TSPAN9: variants seen among roughly 807,000 people sequenced by gnomAD.
TSPAN9 encodes the protein tetraspanin 9.
A neutral mutation model predicts 31.0 loss-of-function variants in TSPAN9; 16 were observed. The observed-to-expected ratio is 0.52, with a 90% CI of 0.35 to 0.78. The LOEUF (loss-of-function observed/expected upper bound fraction) is 0.78. Among genes scored for constraint, TSPAN9 ranks in the 30% least tolerant of loss-of-function variants. The pLI is 0.01. For synonymous variants in TSPAN9, 145 were observed against 121.6 expected (o/e 1.19, Z -1.27); for missense variants, 272 against 312.5 (o/e 0.87, Z 0.98).
At chr12:3,092,934 T>G (rs1200456150) in intron 2 of TSPAN9, among the ~76,000 whole-genome samples, 4 of 152,146 alleles carry the variant, frequency 2.6e-5, no homozygotes, top group Non-Finnish European at 5.9e-5. Flanking sequence ...CGCCCAGGGC[T>G]GGGGGAGCTG....
Position 3,192,534 on chromosome 12 carries a change from T to C in TSPAN9, c.-17-8643T>C, listed in dbSNP as rs1454717969. Among the ~76,000 whole-genome samples, 2 of 152,056 alleles carry C rather than the reference T, an allele frequency of 1.3e-5. No homozygotes were observed. The highest frequency in any genetic ancestry group is 2.9e-5 in the Non-Finnish European group (2 of 68,014). ...TGGCATAAGCAGTGGGGTGAAAACT[T>C]AAGCCATTTGTTGAGAAGGAGCGGA... On this transcript the variant is annotated intron_variant, in intron 2 of 8. Transcript: ENST00000011898. The surrounding 1 kb of genome is among the most constrained non-coding windows in gnomAD (Gnocchi z 4.6).
At position 3,153,094 on chromosome 12, in the gene TSPAN9, C is replaced by G. The variant is rs547347526; in HGVS notation, c.-17-48083C>G. Reference sequence around the variant, plus strand: ...TGGTGGTGGTGGTGGTGGTGCAGGGCAGGCCTTCCTTGAAGCCCTCTTCAG... The same window carrying G: ...TGGTGGTGGTGGTGGTGGTGCAGGGGAGGCCTTCCTTGAAGCCCTCTTCAG... On this transcript the variant is annotated intron_variant, in intron 2 of 8. Transcript: ENST00000011898. Among the ~76,000 whole-genome samples, 5 of 152,296 alleles carry G rather than the reference C, an allele frequency of 3.3e-5. No homozygotes were observed. The South Asian group carries it at 1.0e-3, about 32-fold the overall frequency.
At chr12:3,264,312 G>C (rs1862503533) in intron 3 of TSPAN9, among the ~76,000 whole-genome samples, 1 of 152,184 alleles carries the variant, frequency 6.6e-6, no homozygotes, top group Non-Finnish European at 1.5e-5. Context: ...CTGGGTCACA[G>C]AACAGCTTCC....
chr12:3,125,997 G>A (rs1398397508), intron 2 of TSPAN9, among the ~76,000 whole-genome samples: 3 of 152,170 alleles, frequency 2.0e-5, no homozygotes, highest in Non-Finnish European at 2.9e-5. Flanking sequence ...CTTCTGTTGC[G>A]TTTGTTGTGT....
At chr12:3,226,465 T>TC in intron 3 of TSPAN9, among the ~76,000 whole-genome samples, 1 of 151,650 alleles carries the variant, frequency 6.6e-6, no homozygotes, top group East Asian at 2.0e-4. Context: ...TAATCTTTTT[T>TC]CCCTCCTTCT....
chr12:3,281,090 G>A, intron 6 of TSPAN9, 108 bp from the exon 7 acceptor site: 1 of 1,508,022 alleles, frequency 6.6e-7, no homozygotes, highest in East Asian at 2.5e-5. Flanking sequence ...TTAACTGCAG[G>A]GTGGCCACTT....
chr12:3,224,334 C>T (rs976222298), intron 3 of TSPAN9, among the ~76,000 whole-genome samples: 1 of 152,192 alleles, frequency 6.6e-6, no homozygotes, highest in Admixed American at 6.5e-5. Flanking sequence ...CTGTGCTAGG[C>T]GCCCTCACGG....
intron 3 of TSPAN9, among the ~76,000 whole-genome samples, chr12:3,263,324 G>A (rs1862483947): frequency 6.6e-6 from 1 of 152,232 alleles, no homozygotes; most frequent in Non-Finnish European, 1.5e-5. Context: ...TGGCCCGTTG[G>A]CAGCACATAG....
intron 3 of TSPAN9, among the ~76,000 whole-genome samples, chr12:3,208,259 G>A (rs997615000): frequency 3.3e-5 from 5 of 152,170 alleles, no homozygotes; most frequent in Non-Finnish European, 7.3e-5. Context: ...CTCGGGCTGG[G>A]GATTGCTCTG....
rs543141675 is a variant in TSPAN9 at position 3,280,345 on chromosome 12, G to A, written c.331-37G>A. ...GGGCTGGAGAGACGAGCTGCGTCCT[G>A]GTTCCAACCGTCTCACTGTGTCCCT... On this transcript the variant is annotated intron_variant, in intron 5 of 8. Coordinates refer to ENST00000011898, the MANE Select transcript of TSPAN9 (RefSeq NM_006675.5). This position sits in a 1 kb window ranked among gnomAD's most constrained non-coding sequence, Gnocchi z 4.5. 1.3e-6 allele frequency: 2 copies of A among 1,595,172 alleles called. No individual in the cohort carries two copies. The highest frequency in any genetic ancestry group is 1.7e-6 in the Non-Finnish European group (2 of 1,166,730).
chr12:3,176,069 C>T (rs1355352779), intron 2 of TSPAN9, among the ~76,000 whole-genome samples: 2 of 152,232 alleles, frequency 1.3e-5, no homozygotes, highest in Non-Finnish European at 2.9e-5. Flanking sequence ...TGTGGGTGCT[C>T]CCTACCTGAA....
intron 1 of TSPAN9, among the ~76,000 whole-genome samples, chr12:3,080,081 G>A (rs998829423): frequency 9.9e-5 from 15 of 151,608 alleles, no homozygotes; most frequent in African/African-American, 3.6e-4. Context: ...GAGCCACCAC[G>A]CCCAGCCCCT....
chr12:3,089,604 A>T (rs996067565), intron 2 of TSPAN9, among the ~76,000 whole-genome samples: 1 of 151,378 alleles, frequency 6.6e-6, no homozygotes. Context: ...CTCAAGGTGA[A>T]TTTTTTTTTA....
chr12:3,202,620 G>A (rs925263882), intron 3 of TSPAN9, among the ~76,000 whole-genome samples: 2 of 152,016 alleles, frequency 1.3e-5, no homozygotes, highest in African/African-American at 4.8e-5. Context: ...TTGTCCTCAC[G>A]TCACTAGTTA....
intron 2 of TSPAN9, among the ~76,000 whole-genome samples, chr12:3,163,508 T>C (rs2098346616): frequency 6.6e-6 from 1 of 152,234 alleles, no homozygotes; most frequent in Non-Finnish European, 1.5e-5. Context: ...GGATGGTGTT[T>C]CATAGACCTT....
intron 3 of TSPAN9, among the ~76,000 whole-genome samples, chr12:3,223,247 G>C (rs2098385473): frequency 1.3e-5 from 2 of 152,324 alleles, no homozygotes; most frequent in South Asian, 4.1e-4. Flanking sequence ...CGTCATCCTT[G>C]GAACAAACAC....
intron 3 of TSPAN9, among the ~76,000 whole-genome samples, chr12:3,243,780 G>T (rs541193314): frequency 2.6e-5 from 4 of 152,178 alleles, no homozygotes; most frequent in Non-Finnish European, 4.4e-5. Context: ...CTCTGATATG[G>T]GGTGTCAGGC....
At chr12:3,282,663 G>C (rs967356242) in intron 8 of TSPAN9, among the ~76,000 whole-genome samples, 1 of 152,160 alleles carries the variant, frequency 6.6e-6, no homozygotes. Context: ...CACCGTGCCC[G>C]GCTGGCCTGA....
At position 3,107,441 on chromosome 12, in the gene TSPAN9, G is replaced by A. The variant is rs575946607; in HGVS notation, c.-18+23722G>A. On this transcript the variant is annotated intron_variant, in intron 2 of 8. Transcript: ENST00000011898. This position sits in a 1 kb window ranked among gnomAD's most constrained non-coding sequence, Gnocchi z 4.1. ...CTCAGGGCCTTCGTTCCCAGTCTTT[G>A]GGCCTGGGATCTTTCTGAGCCTTAA... 6.6e-6 allele frequency among the ~76,000 whole-genome samples: 1 copy of A among 152,296 alleles called. No homozygotes were observed. The highest frequency in any genetic ancestry group is 6.5e-5 in the Admixed American group (1 of 15,298).
Sources: gnomAD v4.1 joint callset for allele counts (sites outside exome capture counted in the v4.1 genomes callset) on GRCh38, gnomAD v4.1.1 for gene constraint, Gnocchi (gnomAD v3.1) non-coding constraint, MANE v1.5 for transcripts, NCBI Gene and HGNC (gene_info 2026-07-23, HGNC 2026-07-21) for gene names.